The following KDM4C variants were observed in gnomAD, a reference collection of about 807,000 sequenced individuals.
KDM4C encodes the protein lysine demethylase 4C.
In KDM4C, 81 loss-of-function variants were observed where a neutral mutation model predicts 129.3. The ratio of observed to expected loss-of-function variants is 0.63; its 90% CI spans 0.52 to 0.75. The LOEUF (loss-of-function observed/expected upper bound fraction) is 0.75, where lower values mean the gene tolerates loss of function less well. KDM4C is among the 30% of genes least tolerant of loss of function. KDM4C has a pLI of 0.00. For missense variants in KDM4C, 1,457 were observed against 1,304.0 expected (o/e 1.12, Z -1.81); for synonymous variants, 573 against 456.1 (o/e 1.26, Z -3.26).
intron 17 of KDM4C, among the ~76,000 whole-genome samples, chr9:7,101,952 C>A (rs757210666): frequency 5.9e-5 from 9 of 152,022 alleles, no homozygotes. Flanking sequence ...ATAATTGGAA[C>A]TGACAAAAAG....
chr9:7,162,247 A>G (rs1843878482), intron 19 of KDM4C, among the ~76,000 whole-genome samples: 1 of 152,220 alleles, frequency 6.6e-6, no homozygotes, highest in East Asian at 1.9e-4. Context: ...GAGTTCTGAA[A>G]GCAAGAAGAT....
intron 8 of KDM4C, among the ~76,000 whole-genome samples, chr9:6,916,117 A>T (rs1247778799): frequency 6.6e-6 from 1 of 152,132 alleles, no homozygotes; most frequent in Non-Finnish European, 1.5e-5. Flanking sequence ...CTGAGTAAAG[A>T]TGGGGGCTAG....
chr9:6,765,768 C>G (rs1820499097), intron 1 of KDM4C, among the ~76,000 whole-genome samples: 2 of 152,162 alleles, frequency 1.3e-5, no homozygotes, highest in African/African-American at 4.8e-5. Flanking sequence ...ACTTTATCAA[C>G]TATGCTGTAC....
chr9:6,792,818 C>T (rs1000811653), intron 1 of KDM4C, among the ~76,000 whole-genome samples, 154 bp from the exon 2 acceptor site: 3 of 152,054 alleles, frequency 2.0e-5, no homozygotes, highest in African/African-American at 4.8e-5. Flanking sequence ...GGGGTTCAGG[C>T]AGAGATGAGG....
In KDM4C at chr9:6,728,066, CAAAAAAAAAAAAA is replaced by C. The variant is rs574486528; in HGVS notation, c.49+7085_49+7097del. Among the ~76,000 whole-genome samples, 218 of 73,936 alleles carry C rather than the reference CAAAAAAAAAAAAA, an allele frequency of 2.9e-3. 2 individuals carry two copies. The highest frequency in any genetic ancestry group is 0.01 in the African/African-American group (174 of 17,380). 48.5% of individuals were successfully genotyped at this position (73,936 alleles called of 152,430 possible). On this transcript the variant is annotated intron_variant, in intron 1 of 17. Transcript: ENST00000536108. ...TTGGCCAAAACCAACCATGAAGCTG[CAAAAAAAAAAAAA>C]AAAAAAAAAAAAAAAGTGTTATACA...
At chr9:6,841,986 T>G (rs1837014141) in intron 4 of KDM4C, among the ~76,000 whole-genome samples, 1 of 152,210 alleles carries the variant, frequency 6.6e-6, no homozygotes, top group South Asian at 2.1e-4. Flanking sequence ...TTGTTTTTCT[T>G]TGGCCATTTG....
chr9:6,735,087 G>A (rs1011690643), intron 1 of KDM4C: 1 of 420,414 alleles, frequency 2.4e-6, no homozygotes, highest in African/African-American at 2.0e-5. Flanking sequence ...GGTTCCAGCA[G>A]CCTATGCAAT....
At chr9:7,004,600 A>G (rs577294080) in intron 12 of KDM4C, among the ~76,000 whole-genome samples, 115 of 152,312 alleles carry the variant, frequency 7.6e-4, no homozygotes, top group African/African-American at 2.6e-3. Flanking sequence ...TTATTTGCAT[A>G]TTTTAAAAAA....
intron 1 of KDM4C, among the ~76,000 whole-genome samples, chr9:6,746,600 C>A (rs1356394566): frequency 6.6e-6 from 1 of 150,650 alleles, no homozygotes; most frequent in Non-Finnish European, 1.5e-5. Flanking sequence ...AAAGTTTAGG[C>A]CAAGTGTGGT....
intron 15 of KDM4C, among the ~76,000 whole-genome samples, chr9:7,035,888 G>A (rs549375762): frequency 4.6e-4 from 70 of 152,292 alleles, no homozygotes; most frequent in African/African-American, 1.5e-3. Context: ...GGTTACTACA[G>A]CTTTGTAGTA....
intron 1 of KDM4C, among the ~76,000 whole-genome samples, chr9:6,726,008 C>G (rs1015205393): frequency 6.6e-6 from 1 of 151,718 alleles, no homozygotes; most frequent in Admixed American, 6.6e-5. Flanking sequence ...CTCACTGCAA[C>G]CTCCACCTCC....
intron 8 of KDM4C, among the ~76,000 whole-genome samples, chr9:6,944,415 C>T (rs12683541): frequency 0.27 from 41,523 of 152,020 alleles, 5,988 homozygotes; most frequent in South Asian, 0.43. Context: ...GTACATTGTT[C>T]AAAAGAGCTG....
intron 6 of KDM4C, among the ~76,000 whole-genome samples, chr9:6,887,563 T>C (rs1340031987): frequency 1.3e-5 from 2 of 152,180 alleles, no homozygotes; most frequent in Non-Finnish European, 2.9e-5. Flanking sequence ...TACTTATCTT[T>C]CCTTTTTTTC....
intron 2 of KDM4C, among the ~76,000 whole-genome samples, chr9:6,797,116 C>G (rs1001140392): frequency 6.6e-6 from 1 of 151,940 alleles, no homozygotes. Context: ...CTCAGCCTCC[C>G]AAGTAGCTGG....
chr9:6,954,804 C>T (rs1828781776), intron 8 of KDM4C, among the ~76,000 whole-genome samples: 1 of 152,186 alleles, frequency 6.6e-6, no homozygotes, highest in African/African-American at 2.4e-5. Flanking sequence ...TGTACCCACT[C>T]CCTATTTCAT....
chr9:7,071,087 G>A (rs1462713993), intron 17 of KDM4C, among the ~76,000 whole-genome samples: 1 of 152,114 alleles, frequency 6.6e-6, no homozygotes, highest in Non-Finnish European at 1.5e-5. Flanking sequence ...ATAATGAAAT[G>A]CGTAGATATA....
At chr9:6,764,758 T>C (rs1563953181) in intron 1 of KDM4C, among the ~76,000 whole-genome samples, 1 of 152,216 alleles carries the variant, frequency 6.6e-6, no homozygotes, top group Non-Finnish European at 1.5e-5. Flanking sequence ...AGCACAATGA[T>C]GAGTCATCAA....
chr9:6,862,153 T>C (rs78104337), intron 5 of KDM4C, among the ~76,000 whole-genome samples: 4,567 of 152,284 alleles, frequency 0.03, 100 homozygotes, highest in African/African-American at 0.058. Context: ...AGAAAACTTA[T>C]TTAACAATTT....
intron 15 of KDM4C, among the ~76,000 whole-genome samples, chr9:7,033,061 G>A (rs926190975): frequency 6.6e-6 from 1 of 151,930 alleles, no homozygotes; most frequent in Non-Finnish European, 1.5e-5. Flanking sequence ...AGATCAGAGC[G>A]ATTGATTTTG....
Sources: allele counts gnomAD v4.1 joint callset (sites outside exome capture counted in the v4.1 genomes callset), GRCh38; gene constraint gnomAD v4.1.1; transcripts MANE v1.5; gene names NCBI Gene and HGNC (gene_info 2026-07-23, HGNC 2026-07-21).